Variants in COL4A1 observed in about 807,000 individuals in gnomAD.
The protein encoded by COL4A1 is collagen type IV alpha 1 chain.
In COL4A1, 40 loss-of-function variants were observed where a neutral mutation model predicts 216.6. That is an observed-to-expected ratio of 0.18 (90% CI 0.14 to 0.24). The LOEUF is 0.24. Among genes scored for constraint, COL4A1 ranks in the 10% least tolerant of loss-of-function variants. COL4A1 has a pLI of 1.00. For missense variants in COL4A1, 1,628 were observed against 2,196.8 expected, an observed-to-expected ratio of 0.74 and a Z score of 5.18; for synonymous variants, 839 against 810.7, an observed-to-expected ratio of 1.03 and a Z score of -0.59.
intron 1 of COL4A1, among the ~76,000 whole-genome samples, chr13:110,305,051 A>C (rs1884629901): frequency 6.6e-6 from 1 of 152,218 alleles, no homozygotes; most frequent in African/African-American, 2.4e-5. Flanking sequence ...AAGTGAGACA[A>C]ATTTTAAAAT....
chr13:110,301,598 G>A (rs1193341189), intron 1 of COL4A1, among the ~76,000 whole-genome samples: 1 of 152,192 alleles, frequency 6.6e-6, no homozygotes, highest in Non-Finnish European at 1.5e-5. Flanking sequence ...AATCCAGATA[G>A]TCAACAATAT....
chr13:110,251,725 C>T (rs1882080928), intron 1 of COL4A1, among the ~76,000 whole-genome samples: 1 of 152,202 alleles, frequency 6.6e-6, no homozygotes, highest in African/African-American at 2.4e-5. Context: ...GAACAGGCTG[C>T]CAGACAGGCA....
At chr13:110,155,243 G>A (rs1346925868) in intron 50 of COL4A1, 40 bp downstream of exon 50, 6 of 1,482,322 alleles carry the variant, frequency 4.0e-6, no homozygotes, top group African/African-American at 1.4e-5. Context: ...GCGTGAGTGG[G>A]GCTCTTCCCG....
chr13:110,161,393 G>A, intron 48 of COL4A1, 24 bp from the exon 49 acceptor site: 1 of 1,587,934 alleles, frequency 6.3e-7, no homozygotes, highest in Non-Finnish European at 8.6e-7. Flanking sequence ...AAGACAATGT[G>A]AGATGTTTCC....
intron 1 of COL4A1, among the ~76,000 whole-genome samples, chr13:110,277,243 T>C (rs539544367): frequency 1.3e-5 from 2 of 152,384 alleles, no homozygotes; most frequent in Non-Finnish European, 2.9e-5. Flanking sequence ...GTATCATCAA[T>C]GTTAACACAT....
intron 2 of COL4A1, among the ~76,000 whole-genome samples, chr13:110,215,866 T>C (rs1278997041): frequency 6.6e-6 from 1 of 152,176 alleles, no homozygotes; most frequent in Non-Finnish European, 1.5e-5. Flanking sequence ...TCCTGGCACT[T>C]AACTGGTGAA....
chr13:110,287,728 A>G (rs1483072416), intron 1 of COL4A1, among the ~76,000 whole-genome samples: 1 of 152,204 alleles, frequency 6.6e-6, no homozygotes, highest in East Asian at 1.9e-4. Context: ...ACACACTTCC[A>G]ATCTATATAC....
At chr13:110,185,963 T>G (rs1267289377) in intron 26 of COL4A1, among the ~76,000 whole-genome samples, 1 of 152,174 alleles carries the variant, frequency 6.6e-6, no homozygotes, top group Non-Finnish European at 1.5e-5. Flanking sequence ...GTAGGACCTC[T>G]AAATCCATTC....
intron 50 of COL4A1, among the ~76,000 whole-genome samples, chr13:110,153,705 G>C (rs1195275324): frequency 6.6e-6 from 1 of 152,188 alleles, no homozygotes; most frequent in Non-Finnish European, 1.5e-5. Context: ...CTGTTAATCT[G>C]GTGGTTGCAA....
intron 2 of COL4A1, among the ~76,000 whole-genome samples, chr13:110,225,443 C>T (rs1422296541): frequency 6.6e-6 from 1 of 152,128 alleles, no homozygotes; most frequent in Non-Finnish European, 1.5e-5. Flanking sequence ...ATTAGCCCAG[C>T]GTGGTGGCAC....
intron 30 of COL4A1, 113 bp downstream of exon 30, chr13:110,179,158 T>C: frequency 6.4e-7 from 1 of 1,563,182 alleles, no homozygotes; most frequent in Non-Finnish European, 8.8e-7. Flanking sequence ...CTCTAAGATT[T>C]GCATCGTTCG....
intron 24 of COL4A1, among the ~76,000 whole-genome samples, chr13:110,189,906 T>C (rs1878560031): frequency 6.6e-6 from 1 of 151,812 alleles, no homozygotes; most frequent in African/African-American, 2.4e-5. Flanking sequence ...ATCCTTGGCA[T>C]CCAGAACAAA....
At position 110,201,541 on chromosome 13, in the gene COL4A1, G is replaced by C. The variant is rs752614535; in HGVS notation, c.1000-19C>G. On this transcript the variant is annotated intron_variant, in intron 18 of 51. Transcript: ENST00000375820. ...CTATAACCTGAATCGAGAAGGAAAA[G>C]GTGATCATCCCGTGGCATGGGAATG... 3 of 1,608,446 alleles carry C rather than the reference G, an allele frequency of 1.9e-6. No homozygotes were observed. The highest frequency in any genetic ancestry group is 2.6e-6 in the Non-Finnish European group (3 of 1,174,816).
Position 110,192,279 on chromosome 13 carries a change from G to T in COL4A1, c.1471C>A (p.Pro491Thr), listed in dbSNP as rs777806573. 6.2e-7 allele frequency: 1 copy of T among 1,614,118 alleles called. No homozygotes were observed. Among genetic ancestry groups the T allele is most frequent in the Non-Finnish European group, 8.5e-7 (1 of 1,180,000 alleles). Residue 491 changes from proline (P) to threonine (T), a missense_variant, in exon 24 of 52, where the codon CCA (proline) becomes ACA (threonine). This residue lies in a region of COL4A1 where 701 missense variants were observed against 892.5 expected (regional missense o/e 0.79). Transcript: ENST00000375820. ...PQGPPGEIGF[P>T]GQPGAKGDRG... Reference sequence around the variant, plus strand: ...TCGCCCTTGGCCCCTGGCTGCCCTGGGAAACCTTTCGTGAGAGAGAGGGAA... The same window carrying T: ...TCGCCCTTGGCCCCTGGCTGCCCTGTGAAACCTTTCGTGAGAGAGAGGGAA...
intron 25 of COL4A1, 87 bp downstream of exon 25, chr13:110,187,051 C>G: frequency 6.7e-7 from 1 of 1,499,138 alleles, no homozygotes; most frequent in Middle Eastern, 1.8e-4. Context: ...GATAGAAATA[C>G]ATCAATATGA....
chr13:110,274,887 G>A (rs1390272460), intron 1 of COL4A1, among the ~76,000 whole-genome samples: 1 of 152,210 alleles, frequency 6.6e-6, no homozygotes, highest in Admixed American at 6.5e-5. Flanking sequence ...TGGCAGCACT[G>A]AGGGACTTTC....
intron 2 of COL4A1, among the ~76,000 whole-genome samples, chr13:110,215,488 G>T (rs949758431): frequency 6.0e-5 from 9 of 151,206 alleles, no homozygotes; most frequent in Non-Finnish European, 1.2e-4. Context: ...TTGAACCTGG[G>T]AGGCAGAGGT....
chr13:110,197,946 G>A (rs1376152399), intron 21 of COL4A1, among the ~76,000 whole-genome samples: 1 of 152,090 alleles, frequency 6.6e-6, no homozygotes, highest in Non-Finnish European at 1.5e-5. Context: ...TATTGTATTG[G>A]GACCACACGG....
chr13:110,259,429 A>G (rs1229421890), intron 1 of COL4A1, among the ~76,000 whole-genome samples: 1 of 152,232 alleles, frequency 6.6e-6, no homozygotes, highest in African/African-American at 2.4e-5. Flanking sequence ...GCGTGTCTAC[A>G]AAATCTAGGT....
Sources: allele counts gnomAD v4.1 joint callset (sites outside exome capture counted in the v4.1 genomes callset), GRCh38; gene constraint gnomAD v4.1.1; regional missense constraint gnomAD v4.1.1; transcripts MANE v1.5; gene names NCBI Gene and HGNC (gene_info 2026-07-23, HGNC 2026-07-21).